The following TNRC6A variants were observed in gnomAD, a reference collection of about 807,000 sequenced individuals.
TNRC6A encodes trinucleotide repeat containing adaptor 6A, also known as trinucleotide repeat-containing gene 6A protein.
A neutral mutation model predicts 221.2 loss-of-function variants in TNRC6A; 44 were observed. The observed-to-expected ratio is 0.20, with a 90% CI of 0.16 to 0.26. The LOEUF is 0.26. Ranked by LOEUF, TNRC6A falls within the 10% of genes least tolerant of loss-of-function variation. The probability of loss-of-function intolerance (pLI) is 1.00; values close to 1 mark genes in which losing one functional copy is unlikely to be tolerated. For synonymous variants in TNRC6A, 847 were observed against 838.5 expected (o/e 1.01, Z -0.18); for missense variants, 2,199 against 2,404.4 (o/e 0.91, Z 1.79).
At chr16:24,721,166 C>T (rs572466182) in intron 2 of TNRC6A, among the ~76,000 whole-genome samples, 32 of 152,288 alleles carry the variant, frequency 2.1e-4, no homozygotes, top group Admixed American at 9.2e-4. Context: ...GAGATGCAAC[C>T]GGGTACAACC....
intron 2 of TNRC6A, among the ~76,000 whole-genome samples, chr16:24,653,949 G>C (rs958783194): frequency 6.6e-6 from 1 of 152,146 alleles, no homozygotes; most frequent in African/African-American, 2.4e-5. Context: ...CTGTGGCCCA[G>C]GCCGGGGTGC....
At chr16:24,741,780 G>A (rs1158987165) in intron 2 of TNRC6A, among the ~76,000 whole-genome samples, 1 of 151,692 alleles carries the variant, frequency 6.6e-6, no homozygotes, top group Non-Finnish European at 1.5e-5. Context: ...TTAGCTTAGT[G>A]CAGTGCTTTG....
At chr16:24,675,698 CTCTCTATATA>C (rs1354316077) in intron 2 of TNRC6A, among the ~76,000 whole-genome samples, 169 of 66,496 alleles carry the variant, frequency 2.5e-3, no homozygotes, top group Middle Eastern at 7.1e-3. Flanking sequence ...CTCTCTCTCT[CTCTCTATATA>C]TATATATATA....
chr16:24,737,243 T>G (rs982703670), intron 2 of TNRC6A, among the ~76,000 whole-genome samples: 3 of 152,320 alleles, frequency 2.0e-5, no homozygotes, highest in Admixed American at 6.5e-5. Flanking sequence ...CCTCAAAGAT[T>G]AAGAAACTGC....
intron 15 of TNRC6A, 128 bp downstream of exon 15, chr16:24,805,861 C>T (rs943259784): frequency 8.1e-6 from 10 of 1,235,878 alleles, no homozygotes; most frequent in South Asian, 4.3e-5. Context: ...ATGGAGCTTA[C>T]AGTCTATCGG....
intron 1 of TNRC6A, among the ~76,000 whole-genome samples, chr16:24,633,417 C>CA (rs1267861101): frequency 6.6e-6 from 1 of 151,868 alleles, no homozygotes; most frequent in Non-Finnish European, 1.5e-5. Context: ...TTTCTTGAGA[C>CA]AGAGTCTCAC....
intron 2 of TNRC6A, among the ~76,000 whole-genome samples, chr16:24,647,091 C>T (rs1261524436): frequency 6.6e-6 from 1 of 151,970 alleles, no homozygotes; most frequent in African/African-American, 2.4e-5. Context: ...CCACCACACT[C>T]AGCCATTTTT....
Position 24,824,095 on chromosome 16 carries a change from CTTTT to C in TNRC6A, c.*298_*301del. ...ATTCATCATGTTTAGCCTTTGGATT[CTTTT>C]TTTTTTTTTCCTTCTATTCCTCCCC... On this transcript the variant is annotated 3_prime_UTR_variant, in exon 25 of 25. Transcript: ENST00000395799. 1 of 111,446 alleles carries C rather than the reference CTTTT, an allele frequency of 9.0e-6. No individual in the cohort carries two copies. The highest frequency in any genetic ancestry group is 1.1e-4 in the Admixed American group (1 of 9,130). The allele number at this position is 111,446 out of a possible 1,614,324, so 6.9% of individuals were successfully genotyped here. A position where few individuals can be genotyped will look rare whatever the true frequency, so the allele number is the denominator to read the frequency against.
chr16:24,797,391 A>G (rs2058240617), intron 9 of TNRC6A, 99 bp from the exon 10 acceptor site: 2 of 807,130 alleles, frequency 2.5e-6, no homozygotes, highest in Non-Finnish European at 3.9e-6. Context: ...TTGGCTAAAA[A>G]TGAGAATTGG....
intron 2 of TNRC6A, chr16:24,671,183 A>G (rs983690111): frequency 5.5e-6 from 1 of 180,360 alleles, no homozygotes; most frequent in African/African-American, 2.4e-5. Context: ...ACTGTGTCTA[A>G]ACCATTTGGG....
chr16:24,632,541 G>A (rs187690540), intron 1 of TNRC6A, among the ~76,000 whole-genome samples: 6 of 152,170 alleles, frequency 3.9e-5, no homozygotes, highest in East Asian at 1.9e-4. Flanking sequence ...GGCCAATATC[G>A]TTTTCACCTG....
intron 20 of TNRC6A, among the ~76,000 whole-genome samples, chr16:24,817,576 G>A (rs1278390588): frequency 2.6e-5 from 4 of 152,174 alleles, no homozygotes; most frequent in Non-Finnish European, 4.4e-5. Context: ...TACCTGCCAC[G>A]GGGTTACTTT....
intron 2 of TNRC6A, chr16:24,641,048 TCAGCC>T (rs1358565728): frequency 6.6e-6 from 1 of 152,214 alleles, no homozygotes; most frequent in Non-Finnish European, 1.5e-5. Context: ...GTCAGTCCAT[TCAGCC>T]CAGAGCTGCC....
intron 4 of TNRC6A, among the ~76,000 whole-genome samples, chr16:24,764,749 A>G (rs549396139): frequency 6.6e-5 from 10 of 152,188 alleles, no homozygotes; most frequent in Non-Finnish European, 1.5e-4. Flanking sequence ...TCCTTTGGGT[A>G]TACAGTAATC....
At chr16:24,674,694 CCACACACACACA>C (rs3219528) in intron 2 of TNRC6A, among the ~76,000 whole-genome samples, 150 of 146,254 alleles carry the variant, frequency 1.0e-3, no homozygotes, top group African/African-American at 1.6e-3. Flanking sequence ...ACTGCCCCCA[CCACACACACACA>C]CACACACACA....
intron 1 of TNRC6A, among the ~76,000 whole-genome samples, chr16:24,630,895 G>A (rs1303721554): frequency 6.6e-6 from 1 of 152,168 alleles, no homozygotes; most frequent in Non-Finnish European, 1.5e-5. Context: ...CAAGGGATGT[G>A]GTATGTGCCT....
At chr16:24,639,960 T>G (rs1372468035) in intron 1 of TNRC6A, among the ~76,000 whole-genome samples, 4 of 152,164 alleles carry the variant, frequency 2.6e-5, no homozygotes, top group African/African-American at 9.7e-5. Flanking sequence ...CTTGGCCCAG[T>G]CACTGTTTTT....
intron 5 of TNRC6A, among the ~76,000 whole-genome samples, chr16:24,786,985 A>G (rs974965813): frequency 3.9e-5 from 6 of 152,152 alleles, no homozygotes; most frequent in Non-Finnish European, 5.9e-5. Context: ...CCGGCCTGGT[A>G]CTAATACTGT....
At chr16:24,642,506 A>G (rs1178996769) in intron 2 of TNRC6A, among the ~76,000 whole-genome samples, 4 of 152,166 alleles carry the variant, frequency 2.6e-5, no homozygotes, top group African/African-American at 9.7e-5. Context: ...TCAGAAGTAG[A>G]GGATAAGGAA....
Sources: gnomAD v4.1 joint callset for allele counts (sites outside exome capture counted in the v4.1 genomes callset) on GRCh38, gnomAD v4.1.1 for gene constraint, MANE v1.5 for transcripts, NCBI Gene and HGNC (gene_info 2026-07-23, HGNC 2026-07-21) for gene names.